NOS1AP: variants seen among roughly 807,000 people sequenced by gnomAD.
NOS1AP encodes carboxyl-terminal PDZ ligand of neuronal nitric oxide synthase protein.
A neutral mutation model predicts 56.2 loss-of-function variants in NOS1AP; 21 were observed. The ratio of observed to expected loss-of-function variants is 0.37; its 90% CI spans 0.26 to 0.54. NOS1AP has a LOEUF of 0.54. Among genes scored for constraint, NOS1AP ranks in the 20% least tolerant of loss-of-function variants. NOS1AP has a pLI of 0.84. For synonymous variants in NOS1AP, 270 were observed against 274.6 expected, an observed-to-expected ratio of 0.98 and a Z score of 0.17; for missense variants, 522 against 657.8, an observed-to-expected ratio of 0.79 and a Z score of 2.26.
At chr1:162,356,876 C>G in intron 7 of NOS1AP, 84 bp from the exon 8 acceptor site, 1 of 1,608,952 alleles carries the variant, frequency 6.2e-7, no homozygotes, top group Non-Finnish European at 8.5e-7. Flanking sequence ...CAATTTGCTC[C>G]TCCTGAGTGC....
chr1:162,140,602 G>A (rs926879675), intron 1 of NOS1AP, among the ~76,000 whole-genome samples: 2 of 152,198 alleles, frequency 1.3e-5, no homozygotes, highest in Non-Finnish European at 2.9e-5. Flanking sequence ...ATGCTGCAAT[G>A]AACATATCAG....
At chr1:162,322,776 G>C (rs1310649030) in intron 4 of NOS1AP, among the ~76,000 whole-genome samples, 2 of 152,106 alleles carry the variant, frequency 1.3e-5, no homozygotes, top group Non-Finnish European at 2.9e-5. Flanking sequence ...GGAAACATAA[G>C]AGGAATAAAA....
At chr1:162,232,621 G>A (rs771602747) in intron 2 of NOS1AP, among the ~76,000 whole-genome samples, 54 of 152,106 alleles carry the variant, frequency 3.6e-4, no homozygotes, top group Non-Finnish European at 6.8e-4. Flanking sequence ...TGCCCATTCT[G>A]TGGGATTCTC....
chr1:162,355,268 C>T lies in NOS1AP; in HGVS notation c.677C>T (p.Pro226Leu). Residue 226 changes from proline (P) to leucine (L), a missense_variant, in exon 7 of 10, where the codon CCA becomes CTA. Around this residue, in one of 4 missense-constraint regions of NOS1AP, gnomAD observed 178 missense variants for 165.0 expected, o/e 1.08. Coordinates refer to ENST00000361897, the MANE Select transcript of NOS1AP (RefSeq NM_014697.3). ...ATCGATGCGGTGGAGGTCCCACTTC[C>T]AGGGAATGATGTCCTGGAATTCAGC... ...TDIDAVEVPL[P>L]GNDVLEFSRG... 1 of 1,614,158 alleles carries T rather than the reference C, an allele frequency of 6.2e-7. No individual in the cohort carries two copies. Among genetic ancestry groups the T allele is most frequent in the Non-Finnish European group, 8.5e-7 (1 of 1,180,036 alleles).
intron 2 of NOS1AP, among the ~76,000 whole-genome samples, chr1:162,194,767 G>T (rs1395959367): frequency 6.6e-6 from 1 of 152,212 alleles, no homozygotes; most frequent in African/African-American, 2.4e-5. Context: ...GAGAGACACA[G>T]AAGGGGAGGC....
chr1:162,343,970 G>C lies in NOS1AP; in HGVS notation c.589G>C (p.Asp197His). Reference sequence around the variant, plus strand: ...CGAGAGGAACAGCAACAGCTCAGGAGACCCAGGTAGGCACTGCGGCTTCTG... The same window carrying C: ...CGAGAGGAACAGCAACAGCTCAGGACACCCAGGTAGGCACTGCGGCTTCTG... ...ESERNSNSSG[D>H]PGRQLTGAER... Residue 197 changes from aspartate to histidine, a missense_variant, in exon 6 of 10, where the codon GAC becomes CAC. Physicochemically the swap from Asp to His is moderately conservative, Grantham distance 81. This residue lies in a region of NOS1AP where 178 missense variants were observed against 165.0 expected (regional missense o/e 1.08). Coordinates refer to ENST00000361897, the MANE Select transcript of NOS1AP (RefSeq NM_014697.3). 1.2e-6 allele frequency: 2 copies of C among 1,614,092 alleles called. No homozygotes were observed. Among genetic ancestry groups the C allele is most frequent in the Non-Finnish European group, 1.7e-6 (2 of 1,180,006 alleles).
chr1:162,087,526 ACTTGAACT>A (rs1392389302), intron 1 of NOS1AP, among the ~76,000 whole-genome samples: 7 of 152,152 alleles, frequency 4.6e-5, no homozygotes, highest in African/African-American at 1.7e-4. Flanking sequence ...GGATCCATGG[ACTTGAACT>A]AGTCAACTTT....
intron 8 of NOS1AP, among the ~76,000 whole-genome samples, chr1:162,358,905 A>G (rs1657793892): frequency 6.6e-6 from 1 of 152,242 alleles, no homozygotes; most frequent in Non-Finnish European, 1.5e-5. Flanking sequence ...AATCCACACA[A>G]TAGTGTTGTG....
chr1:162,161,856 TTGGC>T (rs1377464666), intron 2 of NOS1AP, among the ~76,000 whole-genome samples: 2 of 152,228 alleles, frequency 1.3e-5, no homozygotes, highest in African/African-American at 4.8e-5. Context: ...ACCATATATG[TTGGC>T]TGCCAAGCAC....
chr1:162,201,024 CATTA>C (rs1651974244), intron 2 of NOS1AP, among the ~76,000 whole-genome samples: 1 of 152,144 alleles, frequency 6.6e-6, no homozygotes, highest in South Asian at 2.1e-4. Context: ...GCCTAGTACC[CATTA>C]ATTATTTTTC....
At chr1:162,082,143 G>A (rs1261081844) in intron 1 of NOS1AP, among the ~76,000 whole-genome samples, 1 of 151,772 alleles carries the variant, frequency 6.6e-6, no homozygotes, top group Non-Finnish European at 1.5e-5. Context: ...ATGTGTCCAT[G>A]TGTTCTCATC....
rs1485613756 is a variant in NOS1AP at position 162,102,878 on chromosome 1, ACC to A, written c.105+32597_105+32598del. ...TCTATTTTATTAATTTTTTCAAAAA[ACC>A]AGCTACTGGATATGTTGATTTGTTT... On this transcript the variant is annotated intron_variant, in intron 1 of 9. Transcript: ENST00000361897. Among the ~76,000 whole-genome samples, 50 of 152,162 alleles carry A rather than the reference ACC, an allele frequency of 3.3e-4. No homozygotes were observed. The East Asian group carries it at 9.3e-3, about 28-fold the overall frequency.
At chr1:162,226,298 A>G (rs1408901204) in intron 2 of NOS1AP, among the ~76,000 whole-genome samples, 2 of 152,084 alleles carry the variant, frequency 1.3e-5, no homozygotes, top group Non-Finnish European at 2.9e-5. Flanking sequence ...AAAAGAAAAG[A>G]AATGTTTATT....
At chr1:162,070,799 C>T (rs1303624625) in intron 1 of NOS1AP, among the ~76,000 whole-genome samples, 1 of 152,030 alleles carries the variant, frequency 6.6e-6, no homozygotes, top group Non-Finnish European at 1.5e-5. Flanking sequence ...GAGTCACTTC[C>T]TAAATGGCTA....
intron 2 of NOS1AP, among the ~76,000 whole-genome samples, chr1:162,177,590 T>C (rs1435065169): frequency 2.0e-5 from 3 of 152,240 alleles, no homozygotes; most frequent in Non-Finnish European, 4.4e-5. Flanking sequence ...ATACTGAGTT[T>C]GCCTACTCTT....
chr1:162,130,287 A>AC (rs1648693399), intron 1 of NOS1AP, among the ~76,000 whole-genome samples: 2 of 152,256 alleles, frequency 1.3e-5, no homozygotes, highest in African/African-American at 4.8e-5. Flanking sequence ...CTCAGCCTGT[A>AC]AGTGGCAGAA....
At chr1:162,275,053 G>A (rs930522453) in intron 2 of NOS1AP, among the ~76,000 whole-genome samples, 67 of 152,112 alleles carry the variant, frequency 4.4e-4, no homozygotes, top group African/African-American at 1.5e-3. Flanking sequence ...CTTCCACGGA[G>A]CAAGTTTAAT....
chr1:162,107,665 A>G lies in NOS1AP; in HGVS notation c.105+37383A>G, dbSNP rs112881118. Among the ~76,000 whole-genome samples, 618 of 152,348 alleles carry G rather than the reference A, an allele frequency of 4.1e-3. 1 individual carries two copies. The highest frequency in any genetic ancestry group is 6.8e-3 in the Non-Finnish European group (464 of 68,026). ...GGCCTTAACATAATTTTGAAATAAA[A>G]AACATATAATCCCTGAGAAAACCAA... On this transcript the variant is annotated intron_variant, in intron 1 of 9. Coordinates refer to ENST00000361897, the MANE Select transcript of NOS1AP (RefSeq NM_014697.3).
intron 2 of NOS1AP, among the ~76,000 whole-genome samples, chr1:162,190,813 T>A (rs932633549): frequency 2.0e-5 from 3 of 152,196 alleles, no homozygotes; most frequent in African/African-American, 7.2e-5. Context: ...TTTACTTTTA[T>A]GAAATCAACT....
Sources: allele counts gnomAD v4.1 joint callset (sites outside exome capture counted in the v4.1 genomes callset), GRCh38; gene constraint gnomAD v4.1.1; regional missense constraint gnomAD v4.1.1; transcripts MANE v1.5; gene names NCBI Gene and HGNC (gene_info 2026-07-23, HGNC 2026-07-21).